Variants in SUGCT observed in about 807,000 individuals in gnomAD.
SUGCT encodes succinyl-CoA:glutarate-CoA transferase, also known as succinyl-CoA:glutarate CoA-transferase.
SUGCT carries 41 observed loss-of-function variants against 55.0 expected under a neutral mutation model. That is an observed-to-expected ratio of 0.74 (90% confidence interval 0.58 to 0.97). The LOEUF is 0.97. Among genes scored for constraint, SUGCT ranks in the 50% least tolerant of loss-of-function variants. SUGCT has a pLI of 0.00. For synonymous variants in SUGCT, 187 were observed against 200.4 expected, an observed-to-expected ratio of 0.93 and a Z score of 0.56; for missense variants, 568 against 547.8, an observed-to-expected ratio of 1.04 and a Z score of -0.37.
intron 1 of SUGCT, among the ~76,000 whole-genome samples, chr7:40,138,233 G>A (rs555306112): frequency 3.7e-4 from 56 of 152,206 alleles, no homozygotes; most frequent in African/African-American, 1.3e-3. Flanking sequence ...ACTTATAAGG[G>A]AGAACAGGCA....
the SUGCT span, among the ~76,000 whole-genome samples, chr7:41,027,010 C>T: frequency 1.3e-5 from 2 of 151,874 alleles, no homozygotes; most frequent in African/African-American, 2.4e-5. Flanking sequence ...CCAGCCTGGG[C>T]GACAGAGCAA....
intron 6 of SUGCT, among the ~76,000 whole-genome samples, chr7:40,216,542 C>T (rs920440541): frequency 2.7e-5 from 4 of 148,942 alleles, no homozygotes; most frequent in African/African-American, 9.9e-5. Flanking sequence ...TAGGACAAGG[C>T]TGCTTAAGCT....
At chr7:40,493,481 T>A (rs1456577731) in intron 11 of SUGCT, among the ~76,000 whole-genome samples, 1 of 152,234 alleles carries the variant, frequency 6.6e-6, no homozygotes, top group African/African-American at 2.4e-5. Context: ...TTAAGTGGAA[T>A]GTTGATGTTA....
the SUGCT span, among the ~76,000 whole-genome samples, chr7:40,973,888 C>A: frequency 6.6e-6 from 1 of 152,160 alleles, no homozygotes. Context: ...TTTCATCCCC[C>A]AGTAGTGGCT....
chr7:40,981,610 C>T, the SUGCT span, among the ~76,000 whole-genome samples: 1 of 152,166 alleles, frequency 6.6e-6, no homozygotes, highest in African/African-American at 2.4e-5. Flanking sequence ...TCTCTTTCTT[C>T]ACATTTTACT....
intron 11 of SUGCT, among the ~76,000 whole-genome samples, chr7:40,495,848 C>G (rs1791940964): frequency 6.6e-6 from 1 of 152,122 alleles, no homozygotes; most frequent in Non-Finnish European, 1.5e-5. Flanking sequence ...GTGTACTTTT[C>G]CCAAAGCTTT....
chr7:40,445,366 A>G (rs1788765034), intron 9 of SUGCT, among the ~76,000 whole-genome samples: 2 of 152,318 alleles, frequency 1.3e-5, no homozygotes, highest in South Asian at 4.1e-4. Flanking sequence ...AATACTATAA[A>G]CACCTGTATG....
At chr7:40,157,023 A>AAG (rs1464254278) in intron 1 of SUGCT, among the ~76,000 whole-genome samples, 2 of 151,804 alleles carry the variant, frequency 1.3e-5, no homozygotes, top group African/African-American at 2.4e-5. Flanking sequence ...AAAAAAAAAA[A>AAG]AAAAAGGTAA....
chr7:40,391,998 G>T (rs1363071262), intron 9 of SUGCT, among the ~76,000 whole-genome samples: 1 of 152,168 alleles, frequency 6.6e-6, no homozygotes, highest in African/African-American at 2.4e-5. Flanking sequence ...CATGGATAAA[G>T]CTAGAAACCA....
At chr7:40,514,538 A>G (rs67081175) in intron 12 of SUGCT, among the ~76,000 whole-genome samples, 20,520 of 151,918 alleles carry the variant, frequency 0.14, 1,513 homozygotes, top group Middle Eastern at 0.2. Context: ...GTGAAACTCC[A>G]TGTCTATTAA....
chr7:40,942,645 C>CA, the SUGCT span, among the ~76,000 whole-genome samples: 1 of 152,156 alleles, frequency 6.6e-6, no homozygotes, highest in Non-Finnish European at 1.5e-5. Flanking sequence ...ATTATTCCCT[C>CA]AAATAAGTTT....
At chr7:40,971,621 T>A in the SUGCT span, among the ~76,000 whole-genome samples, 5,208 of 152,238 alleles carry the variant, frequency 0.034, 294 homozygotes, top group African/African-American at 0.12. Flanking sequence ...GAGAGTGTTT[T>A]TTCATTACAA....
the SUGCT span, among the ~76,000 whole-genome samples, chr7:41,009,657 C>T: frequency 6.6e-6 from 1 of 151,910 alleles, no homozygotes; most frequent in Non-Finnish European, 1.5e-5. Context: ...ATCCATCCTT[C>T]CTTCCATCCA....
At chr7:40,910,314 T>C in the SUGCT span, among the ~76,000 whole-genome samples, 1 of 151,944 alleles carries the variant, frequency 6.6e-6, no homozygotes, top group Non-Finnish European at 1.5e-5. Flanking sequence ...GATGGCAAAA[T>C]GCCCAGTCTG....
At chr7:40,236,203 G>A (rs1256978651) in intron 6 of SUGCT, among the ~76,000 whole-genome samples, 1 of 151,838 alleles carries the variant, frequency 6.6e-6, no homozygotes, top group African/African-American at 2.4e-5. Flanking sequence ...GATTACAGGC[G>A]CCTACCACCA....
At chr7:40,489,661 C>T (rs1562813096) in intron 11 of SUGCT, among the ~76,000 whole-genome samples, 13 of 152,106 alleles carry the variant, frequency 8.5e-5, no homozygotes. Context: ...AGCCTGGTGA[C>T]AGAGCGAGAC....
intron 13 of SUGCT, among the ~76,000 whole-genome samples, chr7:40,812,990 G>T (rs1791498321): frequency 6.6e-6 from 1 of 151,842 alleles, no homozygotes; most frequent in Non-Finnish European, 1.5e-5. Flanking sequence ...AGTCATTCAG[G>T]GGCAAGTTCT....
chr7:41,001,771 A>G, the SUGCT span, among the ~76,000 whole-genome samples: 2 of 152,120 alleles, frequency 1.3e-5, no homozygotes, highest in African/African-American at 2.4e-5. Context: ...ATCTTCTAAT[A>G]CCATCACATT....
the SUGCT span, among the ~76,000 whole-genome samples, chr7:40,867,222 A>G: frequency 1.3e-5 from 2 of 149,550 alleles, no homozygotes; most frequent in Admixed American, 1.3e-4. Flanking sequence ...GCCCCCATAT[A>G]TATGTCTCTA....
Sources: allele counts gnomAD v4.1 joint callset (sites outside exome capture counted in the v4.1 genomes callset), GRCh38; gene constraint gnomAD v4.1.1; transcripts MANE v1.5; gene names NCBI Gene and HGNC (gene_info 2026-07-23, HGNC 2026-07-21).